KCNG2: variants seen among roughly 807,000 people sequenced by gnomAD.
KCNG2 encodes the protein potassium voltage-gated channel modifier subfamily G member 2.
KCNG2 carries 7 observed loss-of-function variants against 12.3 expected under a neutral mutation model. The observed-to-expected ratio is 0.57, with a 90% confidence interval of 0.32 to 1.07. The LOEUF is 1.07. Among genes scored for constraint, KCNG2 ranks in the 50% least tolerant of loss-of-function variants. The pLI is 0.04. For synonymous variants in KCNG2, 414 were observed against 351.4 expected (o/e 1.18, Z -1.99); for missense variants, 703 against 726.0 (o/e 0.97, Z 0.36).
At chr18:79,861,273 C>CTTTTTTT (rs56348625) in intron 2 of KCNG2, among the ~76,000 whole-genome samples, 1 of 76,970 alleles carries the variant, frequency 1.3e-5, no homozygotes, top group African/African-American at 4.6e-5. Context: ...CTCTCTCTCT[C>CTTTTTTT]TTTTTTTTTT....
At chr18:79,868,605 G>A (rs77622349) in intron 3 of KCNG2, among the ~76,000 whole-genome samples, 7,397 of 152,304 alleles carry the variant, frequency 0.049, 275 homozygotes, top group Non-Finnish European at 0.067. Context: ...AACAAAACCG[G>A]AAGCCAGGGT....
intron 3 of KCNG2, among the ~76,000 whole-genome samples, chr18:79,893,049 G>A (rs1980805223): frequency 2.0e-5 from 3 of 151,416 alleles, no homozygotes; most frequent in Admixed American, 2.0e-4. Flanking sequence ...AGTTGGGTCT[G>A]TGTCTGCTTT....
intron 1 of KCNG2, among the ~76,000 whole-genome samples, chr18:79,814,838 A>T (rs995293915): frequency 6.6e-6 from 1 of 151,822 alleles, no homozygotes; most frequent in Non-Finnish European, 1.5e-5. Flanking sequence ...CCTTAAAAGT[A>T]GTTACCTGTG....
At chr18:79,830,125 A>G (rs557823901) in intron 1 of KCNG2, among the ~76,000 whole-genome samples, 266 of 736 alleles carry the variant, frequency 0.36, 2 homozygotes, top group African/African-American at 0.45. Context: ...CCACGAGTAG[A>G]TTCTGCAGGT....
rs548798872 is a variant in KCNG2 at position 79,822,905 on chromosome 18, G to A, written c.-115+24891G>A. 6.6e-5 allele frequency among the ~76,000 whole-genome samples: 10 copies of A among 152,214 alleles called. No individual in the cohort carries two copies. Among genetic ancestry groups the A allele is most frequent in the Non-Finnish European group, 1.0e-4 (7 of 68,032 alleles). On this transcript the variant is annotated intron_variant, in intron 1 of 3. Coordinates refer to ENST00000316249, the MANE Select transcript of KCNG2 (RefSeq NM_012283.2). This position sits in a 1 kb window ranked among gnomAD's most constrained non-coding sequence, Gnocchi z 4.4. ...TTGTGAGGCACCTGGGCTTATCGTG[G>A]GCGTTGGTGTTGCGTGTGGGTGTGG...
At chr18:79,853,949 G>T (rs931598364) in intron 1 of KCNG2, among the ~76,000 whole-genome samples, 1 of 152,226 alleles carries the variant, frequency 6.6e-6, no homozygotes, top group Non-Finnish European at 1.5e-5. Context: ...TCCAACCTCG[G>T]GGTCCAGCCT....
chr18:79,835,422 T>G (rs1237184941), intron 1 of KCNG2, among the ~76,000 whole-genome samples: 3 of 152,242 alleles, frequency 2.0e-5, no homozygotes, highest in African/African-American at 7.2e-5. Flanking sequence ...AATACTTCAG[T>G]GGACAATTAC....
At chr18:79,818,935 G>C (rs765981246) in intron 1 of KCNG2, among the ~76,000 whole-genome samples, 16 of 152,302 alleles carry the variant, frequency 1.1e-4, no homozygotes, top group African/African-American at 3.6e-4. Context: ...TGTGAGATGC[G>C]GCCATTGGTG....
chr18:79,890,018 C>A (rs982649898), intron 3 of KCNG2, among the ~76,000 whole-genome samples: 1 of 152,166 alleles, frequency 6.6e-6, no homozygotes, highest in Admixed American at 6.5e-5. Context: ...TGATGTATCA[C>A]GTTAAGTGAT....
intron 3 of KCNG2, among the ~76,000 whole-genome samples, chr18:79,893,452 C>A (rs1319265322): frequency 6.6e-6 from 1 of 151,466 alleles, no homozygotes; most frequent in Non-Finnish European, 1.5e-5. Context: ...GTTGTTCACT[C>A]CATTCATATC....
At chr18:79,876,600 C>A (rs922935366) in intron 3 of KCNG2, among the ~76,000 whole-genome samples, 9 of 152,248 alleles carry the variant, frequency 5.9e-5, no homozygotes, top group Admixed American at 5.9e-4. Context: ...GGCAGTGGTG[C>A]CCTCTGCGAG....
At position 79,899,744 on chromosome 18, in the gene KCNG2, C is replaced by G. The variant is rs1179927694; in HGVS notation, c.1329C>G (p.Ser443Arg). The G allele has an allele frequency of 2.5e-6, 4 of 1,588,642 alleles. No homozygotes were observed. The African/African-American group carries it at 5.5e-5, about 22-fold the overall frequency. Reference protein sequence around the residue: ...STHSATATEDSSQGPDSAGLA... With the variant: ...STHSATATEDRSQGPDSAGLA... The stretch of plus-strand genomic sequence containing the variant: ...ACTCGGCCACAGCCACCGAGGACAG[C>G]TCGCAGGGCCCCGACAGCGCGGGCC... Residue 443 changes from serine to arginine, a missense_variant, in exon 4 of 4, where the codon AGC (serine) becomes AGG (arginine). Coordinates refer to ENST00000316249, the MANE Select transcript of KCNG2 (RefSeq NM_012283.2).
intron 1 of KCNG2, among the ~76,000 whole-genome samples, chr18:79,832,110 C>T (rs748196795): frequency 2.4e-4 from 37 of 152,184 alleles, no homozygotes; most frequent in South Asian, 2.1e-4. Context: ...GAGCCTACTC[C>T]GAGGTACATC....
At chr18:79,814,910 C>CTT (rs11392136) in intron 1 of KCNG2, among the ~76,000 whole-genome samples, 90 of 142,850 alleles carry the variant, frequency 6.3e-4, no homozygotes, top group Middle Eastern at 3.8e-3. Context: ...ACCCTGTGTG[C>CTT]TTTTTTTTTT....
intron 2 of KCNG2, among the ~76,000 whole-genome samples, chr18:79,861,194 A>C (rs1191623112): frequency 1.3e-5 from 2 of 151,816 alleles, no homozygotes; most frequent in African/African-American, 4.8e-5. Context: ...CATCATGTAT[A>C]ATCCTTTTAA....
intron 1 of KCNG2, among the ~76,000 whole-genome samples, chr18:79,815,772 C>T (rs2087524044): frequency 6.6e-6 from 1 of 152,216 alleles, no homozygotes; most frequent in East Asian, 1.9e-4. Context: ...GTCCTGTCCC[C>T]TGTCCCCTGC....
intron 1 of KCNG2, among the ~76,000 whole-genome samples, chr18:79,851,749 ATGTATG>A (rs1978828884): frequency 1.6e-5 from 1 of 64,292 alleles, no homozygotes; most frequent in South Asian, 1.1e-3. Flanking sequence ...GCCTGTGTGA[ATGTATG>A]TGTGTGTGTG....
At chr18:79,835,595 C>T (rs910270992) in intron 1 of KCNG2, among the ~76,000 whole-genome samples, 2 of 152,126 alleles carry the variant, frequency 1.3e-5, no homozygotes, top group South Asian at 2.1e-4. Context: ...AGTCAGTGAA[C>T]TGGAAGGTAG....
intron 1 of KCNG2, among the ~76,000 whole-genome samples, chr18:79,805,901 G>A (rs1419725780): frequency 6.6e-6 from 1 of 152,118 alleles, no homozygotes; most frequent in African/African-American, 2.4e-5. Flanking sequence ...ACGCGCCTAG[G>A]GGACAGGGCA....
Sources: allele counts gnomAD v4.1 joint callset (sites outside exome capture counted in the v4.1 genomes callset), GRCh38; gene constraint gnomAD v4.1.1; non-coding constraint Gnocchi (gnomAD v3.1); transcripts MANE v1.5; gene names NCBI Gene and HGNC (gene_info 2026-07-23, HGNC 2026-07-21).